Variants in RYR1 observed in about 807,000 individuals in gnomAD.
The protein encoded by RYR1 is ryanodine receptor 1.
A neutral mutation model predicts 583.5 loss-of-function variants in RYR1; 342 were observed. The ratio of observed to expected loss-of-function variants is 0.59; its 90% CI spans 0.54 to 0.64. The LOEUF is 0.64. RYR1 is among the 30% of genes least tolerant of loss of function. The pLI, the probability that RYR1 is intolerant of heterozygous loss-of-function variation, is 0.00. For synonymous variants in RYR1, 2,791 were observed against 2,822.5 expected, an observed-to-expected ratio of 0.99 and a Z score of 0.35; for missense variants, 6,032 against 6,917.2, an observed-to-expected ratio of 0.87 and a Z score of 4.54.
intron 34 of RYR1, 78 bp from the exon 35 acceptor site, chr19:38,489,099 A>G: frequency 8.2e-7 from 1 of 1,220,136 alleles, no homozygotes; most frequent in South Asian, 1.2e-5. Flanking sequence ...CATGAGGGGC[A>G]GGTCTGGAGA....
At chr19:38,558,458 A>G (rs1367523980) in intron 89 of RYR1, among the ~76,000 whole-genome samples, 1 of 152,192 alleles carries the variant, frequency 6.6e-6, no homozygotes, top group African/African-American at 2.4e-5. Context: ...CATCTACCCC[A>G]TAAATAAATA....
chr19:38,506,004 G>A, intron 54 of RYR1, 58 bp downstream of exon 54: 6 of 1,596,364 alleles, frequency 3.8e-6, no homozygotes, highest in Non-Finnish European at 5.1e-6. Context: ...TCTAGAACAA[G>A]GGGCATGGCC....
intron 22 of RYR1, among the ~76,000 whole-genome samples, chr19:38,464,375 AAGAG>A (rs1275100957): frequency 6.6e-6 from 1 of 151,750 alleles, no homozygotes; most frequent in Admixed American, 6.6e-5. Flanking sequence ...TGGGGATGGA[AAGAG>A]AGAGAGATGC....
intron 93 of RYR1, among the ~76,000 whole-genome samples, chr19:38,568,160 T>TGTTCATCG (rs1444676654): frequency 6.6e-5 from 10 of 152,162 alleles, no homozygotes; most frequent in Non-Finnish European, 1.5e-4. Flanking sequence ...TCCATACCTC[T>TGTTCATCG]GTTCATCGGG....
chr19:38,441,540 G>C (rs1568432812), intron 2 of RYR1, among the ~76,000 whole-genome samples: 1 of 151,428 alleles, frequency 6.6e-6, no homozygotes, highest in Non-Finnish European at 1.5e-5. Context: ...GGTGGGGGCA[G>C]CTGGAGTCTG....
intron 58 of RYR1, among the ~76,000 whole-genome samples, chr19:38,509,447 ATTATTTT>A (rs1167278157): frequency 7.4e-5 from 9 of 120,990 alleles, no homozygotes; most frequent in Non-Finnish European, 3.5e-5. Context: ...TATTATTATT[ATTATTTT>A]TTTTTTTTTT....
chr19:38,494,333 T>G lies in RYR1; in HGVS notation c.6275-19T>G, dbSNP rs774539801. On this transcript the variant is annotated intron_variant, in intron 38 of 105. Coordinates refer to ENST00000359596, the MANE Select transcript of RYR1 (RefSeq NM_000540.3). ...CTGCCCTGCATGGTGCTCCAAGCCT[T>G]GCATTGTCTCCTTCCCAGGGTCCCT... The G allele has an allele frequency of 1.2e-6, 2 of 1,611,098 alleles. No individual in the cohort carries two copies. Among genetic ancestry groups the G allele is most frequent in the East Asian group, 2.2e-5 (1 of 44,882 alleles).
Position 38,490,904 on chromosome 19 carries a change from C to T in RYR1, c.6127+172C>T, listed in dbSNP as rs952660223. ...TGTGTTAGTGAACAGTTAGACAATG[C>T]GTGTTTATATGGGTATTTGGGTGGA... On this transcript the variant is annotated intron_variant, in intron 37 of 105. Coordinates refer to ENST00000359596, the MANE Select transcript of RYR1 (RefSeq NM_000540.3). Among the ~76,000 whole-genome samples, 6 of 152,210 alleles carry T rather than the reference C, an allele frequency of 3.9e-5. No homozygotes were observed. The Middle Eastern group carries it at 0.01, about 259-fold the overall frequency.
At chr19:38,487,830 C>T (rs1015477460) in intron 34 of RYR1, among the ~76,000 whole-genome samples, 3 of 152,140 alleles carry the variant, frequency 2.0e-5, no homozygotes, top group Non-Finnish European at 4.4e-5. Flanking sequence ...GGTGGAGTCT[C>T]GCTATTTTGC....
In RYR1 at chr19:38,466,367, C is replaced by T; in HGVS notation, c.3147C>T (p.Gly1049=). The change falls in exon 24 of 106, where the codon GGC becomes GGT. Residue 1049 remains glycine (G), a synonymous_variant. Coordinates refer to ENST00000359596, the MANE Select transcript of RYR1 (RefSeq NM_000540.3). ...CQAVRTLLGY[G]YNIEPPDQEP... ...CCGTGCGCACCCTCCTGGGCTACGGCTACAACATCGAGCCTCCTGACCAGG... is the reference window on the plus strand; with the variant it reads ...CCGTGCGCACCCTCCTGGGCTACGGTTACAACATCGAGCCTCCTGACCAGG... The T allele has an allele frequency of 6.4e-7, 1 of 1,565,792 alleles. No homozygotes were observed. The highest frequency in any genetic ancestry group is 8.6e-7 in the Non-Finnish European group (1 of 1,157,986).
At position 38,565,535 on chromosome 19, in the gene RYR1, G is replaced by A. The variant is rs1183376732; in HGVS notation, c.13201G>A (p.Gly4401Arg). The change falls in exon 91 of 106, where the codon GGA becomes AGA. Residue 4401 changes from glycine (G) to arginine (R), a missense_variant. Physicochemically the swap from Gly to Arg is moderately radical, Grantham distance 125. Around this residue, in one of 11 missense-constraint regions of RYR1, gnomAD observed 753 missense variants for 759.6 expected, o/e 0.99. Transcript: ENST00000359596. This position sits in a 1 kb window ranked among gnomAD's most constrained non-coding sequence, Gnocchi z 4.7. ...CGGCGAGCAGCCGGCCGGGCCGGGCGGAGACGCAGACGGCGAGGGTGCCAG... is the reference window on the plus strand; with the variant it reads ...CGGCGAGCAGCCGGCCGGGCCGGGCAGAGACGCAGACGGCGAGGGTGCCAG... ...VHGEQPAGPG[G>R]DADGEGASEG... 2.7e-6 allele frequency: 4 copies of A among 1,502,840 alleles called. No individual in the cohort carries two copies. Among genetic ancestry groups the A allele is most frequent in the African/African-American group, 1.4e-5 (1 of 69,164 alleles). 93.1% of individuals were successfully genotyped at this position (1,502,840 alleles called of 1,614,324 possible).
At chr19:38,537,143 G>T in intron 83 of RYR1, 1 of 327,852 alleles carries the variant, frequency 3.1e-6, no homozygotes, top group Middle Eastern at 9.9e-4. Context: ...TCTGCTCTCT[G>T]CACCCCGACC....
At chr19:38,564,810 C>G (rs1973312179) in intron 90 of RYR1, 149 bp from the exon 91 acceptor site, 44 of 1,391,988 alleles carry the variant, frequency 3.2e-5, no homozygotes, top group Non-Finnish European at 4.0e-5. Context: ...CCACCGCGCC[C>G]AGCCTGACCC....
chr19:38,435,948 G>A lies in RYR1; in HGVS notation c.45+2074G>A, dbSNP rs1235622753. 2.0e-5 allele frequency among the ~76,000 whole-genome samples: 3 copies of A among 151,892 alleles called. No homozygotes were observed. In the East Asian group the frequency reaches 5.9e-4, roughly 30 times the overall value. On this transcript the variant is annotated intron_variant, in intron 1 of 105. Transcript: ENST00000359596. ...TTTGAGATGGAGTTTCACTCTTGTTGCCCAGACTGGAGTGCAATGGCGTGA... is the reference window on the plus strand; with the variant it reads ...TTTGAGATGGAGTTTCACTCTTGTTACCCAGACTGGAGTGCAATGGCGTGA...
At position 38,543,563 on chromosome 19, in the gene RYR1, C is replaced by T. The variant is rs1204208366; in HGVS notation, c.11810C>T (p.Ser3937Leu). ...ESISDFYWYY[S>L]GKDVIEEQGK... is the part of the protein sequence containing the mutation. ...ATCAGCGACTTCTACTGGTACTACT[C>T]GGGCAAGGATGTCATTGAAGAGCAG... Residue 3937 changes from serine (S) to leucine (L), a missense_variant, in exon 86 of 106, where the codon TCG becomes TTG. Ser to Leu is a moderately radical substitution (Grantham distance 145). Around this residue, in one of 11 missense-constraint regions of RYR1, gnomAD observed 1,493 missense variants for 1,715.5 expected, o/e 0.87. Coordinates refer to ENST00000359596, the MANE Select transcript of RYR1 (RefSeq NM_000540.3). This position sits in a 1 kb window ranked among gnomAD's most constrained non-coding sequence, Gnocchi z 4.4. 2.5e-6 allele frequency: 4 copies of T among 1,614,146 alleles called. No homozygotes were observed. The highest frequency in any genetic ancestry group is 1.1e-5 in the South Asian group (1 of 91,082).
At position 38,502,664 on chromosome 19, in the gene RYR1, G is replaced by T. The variant is rs758169018; in HGVS notation, c.7772G>T (p.Arg2591Leu). Residue 2591 changes from arginine to leucine, a missense_variant, in exon 48 of 106, where the codon CGG (arginine) becomes CTG (leucine). Physicochemically the swap from Arg to Leu is moderately radical, Grantham distance 102. This residue lies in a region of RYR1 where 250 missense variants were observed against 162.3 expected (regional missense o/e 1.54). Transcript: ENST00000359596. ...CTGCATACCGTGTACCGCCTGTCTC[G>T]GGGTCGTTCGCTCACCAAGGCGCAG... ...SMLHTVYRLS[R>L]GRSLTKAQRD... 3 of 1,611,332 alleles carry T rather than the reference G, an allele frequency of 1.9e-6. No individual in the cohort carries two copies. Among genetic ancestry groups the T allele is most frequent in the Non-Finnish European group, 2.5e-6 (3 of 1,179,854 alleles).
intron 60 of RYR1, 117 bp from the exon 61 acceptor site, chr19:38,511,444 T>C (rs140799636): frequency 9.4e-7 from 1 of 1,064,268 alleles, no homozygotes; most frequent in African/African-American, 1.6e-5. Context: ...CCCCTCCTGG[T>C]TCCTCTCTCC....
In RYR1 at chr19:38,455,541, C is replaced by T. The variant is rs763461768; in HGVS notation, c.1667C>T (p.Ser556Leu). 1.9e-6 allele frequency: 3 copies of T among 1,614,014 alleles called. No homozygotes were observed. Among genetic ancestry groups the T allele is most frequent in the Admixed American group, 1.7e-5 (1 of 59,992 alleles). The change falls in exon 15 of 106, where the codon TCG (serine) becomes TTG (leucine). Residue 556 changes from serine (S) to leucine (L), a missense_variant. Physicochemically the swap from Ser to Leu is moderately radical, Grantham distance 145 (BLOSUM62 -2). Coordinates refer to ENST00000359596, the MANE Select transcript of RYR1 (RefSeq NM_000540.3). ...AGCAAGCTGGATCGGCTGGAGGCCT[C>T]GTCTGGTAGGAGAACCCGGGGGAGT... is the stretch of plus-strand genomic sequence containing the variant. ...LVSKLDRLEASSGILEVLYCV... is the reference protein window; with the variant it reads ...LVSKLDRLEALSGILEVLYCV...
chr19:38,529,825 A>G (rs1971651092), intron 76 of RYR1, among the ~76,000 whole-genome samples: 1 of 152,174 alleles, frequency 6.6e-6, no homozygotes. Flanking sequence ...GCAGGCAGCC[A>G]TTCATCAAAT....
Sources: gnomAD v4.1 joint callset for allele counts (sites outside exome capture counted in the v4.1 genomes callset) on GRCh38, gnomAD v4.1.1 for gene constraint, gnomAD v4.1.1 regional missense constraint, Gnocchi (gnomAD v3.1) non-coding constraint, MANE v1.5 for transcripts, NCBI Gene and HGNC (gene_info 2026-07-23, HGNC 2026-07-21) for gene names.